BDH1: variants seen among roughly 807,000 people sequenced by gnomAD.
The protein encoded by BDH1 is D-beta-hydroxybutyrate dehydrogenase, mitochondrial.
Under a neutral mutation model 33.1 loss-of-function variants are expected in BDH1, and 30 were observed. The ratio of observed to expected loss-of-function variants is 0.91; its 90% confidence interval spans 0.68 to 1.23. The LOEUF (loss-of-function observed/expected upper bound fraction) is 1.23. Ranked by LOEUF, BDH1 falls within the 50% of genes most tolerant of loss-of-function variation. The pLI is 0.00. For synonymous variants in BDH1, 190 were observed against 183.6 expected (o/e 1.03, Z -0.28); for missense variants, 443 against 464.4 (o/e 0.95, Z 0.42).
At chr3:197,572,863 A>G (rs1372689800) in intron 1 of BDH1, among the ~76,000 whole-genome samples, 1 of 152,002 alleles carries the variant, frequency 6.6e-6, no homozygotes. Flanking sequence ...ATGTATTACA[A>G]CAAGCTGTTT....
At chr3:197,541,150 T>C (rs550616790) in intron 3 of BDH1, among the ~76,000 whole-genome samples, 2 of 152,314 alleles carry the variant, frequency 1.3e-5, no homozygotes, top group African/African-American at 4.8e-5. Flanking sequence ...CAGGAAGACC[T>C]TACTGCCTCA....
intron 3 of BDH1, among the ~76,000 whole-genome samples, chr3:197,541,824 C>T (rs1715652960): frequency 1.3e-5 from 2 of 152,152 alleles, no homozygotes; most frequent in Non-Finnish European, 2.9e-5. Context: ...AAGACCTATC[C>T]CCAGGGGGTT....
intron 1 of BDH1, among the ~76,000 whole-genome samples, chr3:197,569,321 A>G (rs756257667): frequency 6.6e-6 from 1 of 152,154 alleles, no homozygotes; most frequent in Admixed American, 6.5e-5. Context: ...GCTGGGCATC[A>G]TTCATGTGGA....
upstream of BDH1, among the ~76,000 whole-genome samples, chr3:197,556,406 G>T (rs574864915): frequency 1.6e-4 from 24 of 152,348 alleles, no homozygotes; most frequent in African/African-American, 5.5e-4. Flanking sequence ...GGTGGCTCAC[G>T]CCTGTAATTC....
chr3:197,519,090 C>G (rs1579883650), intron 6 of BDH1, among the ~76,000 whole-genome samples: 1 of 147,610 alleles, frequency 6.8e-6, no homozygotes, highest in South Asian at 2.2e-4. Context: ...TCCATCCCCT[C>G]CTCAGGTGGA....
At chr3:197,549,327 C>A (rs1299505592) in intron 2 of BDH1, among the ~76,000 whole-genome samples, 1 of 152,186 alleles carries the variant, frequency 6.6e-6, no homozygotes, top group Non-Finnish European at 1.5e-5. Flanking sequence ...CAAGGTATAA[C>A]ACATGGAAAG....
chr3:197,512,212 C>T lies in BDH1; in HGVS notation c.715G>A (p.Gly239Ser), dbSNP rs368212467. The T allele has an allele frequency of 1.8e-5, 29 of 1,613,798 alleles. No homozygotes were observed. The highest frequency in any genetic ancestry group is 1.8e-4 in the South Asian group (16 of 91,090). ...LGVKVSVVEPGNFIAATSLYS... is the reference protein window; with the variant it reads ...LGVKVSVVEPSNFIAATSLYS... ...AGGCTGGTGGCAGCGATGAAGTTGC[C>T]GGGCTCCACCACGCTGACCTTCACG... The change falls in exon 8 of 8, where the codon GGC (glycine) becomes AGC (serine). Residue 239 changes from glycine to serine, a missense_variant. Coordinates refer to ENST00000392379, the MANE Select transcript of BDH1 (RefSeq NM_203314.3).
intron 5 of BDH1, 145 bp downstream of exon 5, chr3:197,532,267 G>C: frequency 1.5e-6 from 1 of 651,812 alleles, no homozygotes; most frequent in Non-Finnish European, 2.8e-6. Flanking sequence ...AAGCTATGAA[G>C]AACAAGTGGG....
rs893702558 is a variant in BDH1, at chr3:197,526,154, T to G, written c.268-3373A>C. Among the ~76,000 whole-genome samples the G allele has an allele frequency of 1.3e-5, 2 of 152,236 alleles. No homozygotes were observed. The highest frequency in any genetic ancestry group is 2.9e-5 in the Non-Finnish European group (2 of 68,044). On this transcript the variant is annotated intron_variant, in intron 5 of 7. Coordinates refer to ENST00000392379, the MANE Select transcript of BDH1 (RefSeq NM_203314.3). The surrounding 1 kb of genome is among the most constrained non-coding windows in gnomAD (Gnocchi z 4.7). ...GACAGAGAGCCTCTTTGTTTTGGCA[T>G]GAAGAGTCCTGTTCAGTCTCTTAAG...
At chr3:197,535,085 G>A (rs751753788) in intron 3 of BDH1, among the ~76,000 whole-genome samples, 1 of 152,126 alleles carries the variant, frequency 6.6e-6, no homozygotes, top group Non-Finnish European at 1.5e-5. Context: ...TCCCATCCAT[G>A]AGGACTCCAC....
chr3:197,548,126 C>G (rs905552467), intron 2 of BDH1, among the ~76,000 whole-genome samples: 2 of 152,208 alleles, frequency 1.3e-5, no homozygotes, highest in African/African-American at 4.8e-5. Context: ...CGGGCTCCCG[C>G]AGGGCAGTCT....
rs1343423710 is a variant in BDH1, at chr3:197,526,856, T to C, written c.268-4075A>G. On this transcript the variant is annotated intron_variant, in intron 5 of 7. Coordinates refer to ENST00000392379, the MANE Select transcript of BDH1 (RefSeq NM_203314.3). This position sits in a 1 kb window ranked among gnomAD's most constrained non-coding sequence, Gnocchi z 4.7. Reference sequence around the variant, plus strand: ...TGGCCTCCAGACTCCAGGGCACACATGGTAAGCCAAGAAGCTCTCCGGGGA... The same window carrying C: ...TGGCCTCCAGACTCCAGGGCACACACGGTAAGCCAAGAAGCTCTCCGGGGA... Among the ~76,000 whole-genome samples, 2 of 152,192 alleles carry C rather than the reference T, an allele frequency of 1.3e-5. No individual in the cohort carries two copies. Among genetic ancestry groups the C allele is most frequent in the African/African-American group, 4.8e-5 (2 of 41,452 alleles).
chr3:197,559,972 T>C (rs1717208196), upstream of BDH1, among the ~76,000 whole-genome samples: 1 of 152,230 alleles, frequency 6.6e-6, no homozygotes, highest in Non-Finnish European at 1.5e-5. Flanking sequence ...CTCCCCCTAC[T>C]GTAAAACCAC....
At chr3:197,549,481 G>A (rs1019341319) in intron 2 of BDH1, among the ~76,000 whole-genome samples, 1 of 152,314 alleles carries the variant, frequency 6.6e-6, no homozygotes, top group East Asian at 1.9e-4. Flanking sequence ...TCCCCTCAAA[G>A]GGGCAGGCAT....
At chr3:197,533,322 G>A (rs1357576147) in intron 4 of BDH1, among the ~76,000 whole-genome samples, 167 bp downstream of exon 4, 1 of 152,200 alleles carries the variant, frequency 6.6e-6, no homozygotes, top group Non-Finnish European at 1.5e-5. Context: ...GGGGGTGTGT[G>A]AGCTCATTAC....
At chr3:197,515,193 A>T (rs1712566812) in intron 6 of BDH1, among the ~76,000 whole-genome samples, 1 of 152,186 alleles carries the variant, frequency 6.6e-6, no homozygotes, top group South Asian at 2.1e-4. Context: ...GTGTTACCCA[A>T]ATTAAAGCTT....
chr3:197,553,796 G>T (rs1054396098), intron 2 of BDH1, among the ~76,000 whole-genome samples: 29 of 152,184 alleles, frequency 1.9e-4, no homozygotes. Flanking sequence ...ATTAGAATTG[G>T]TAAGTCTGGC....
At chr3:197,567,260 C>T (rs1028940749) in intron 1 of BDH1, among the ~76,000 whole-genome samples, 11 of 152,078 alleles carry the variant, frequency 7.2e-5, no homozygotes, top group African/African-American at 2.4e-4. Context: ...AGGAGGGAAA[C>T]GTGAAAGGAA....
At chr3:197,536,374 A>G (rs927252384) in intron 3 of BDH1, among the ~76,000 whole-genome samples, 1 of 152,218 alleles carries the variant, frequency 6.6e-6, no homozygotes, top group Admixed American at 6.5e-5. Flanking sequence ...GTCTTCATCT[A>G]TAAAAAATAT....
Sources: allele counts gnomAD v4.1 joint callset (sites outside exome capture counted in the v4.1 genomes callset), GRCh38; gene constraint gnomAD v4.1.1; non-coding constraint Gnocchi (gnomAD v3.1); transcripts MANE v1.5; gene names NCBI Gene and HGNC (gene_info 2026-07-23, HGNC 2026-07-21).